Variants in RARS2 observed in about 807,000 individuals in gnomAD.
The protein encoded by RARS2 is arginyl-tRNA synthetase 2, mitochondrial.
RARS2 carries 67 observed loss-of-function variants against 88.5 expected under a neutral mutation model. That is an observed-to-expected ratio of 0.76 (90% confidence interval 0.62 to 0.93). RARS2 has a LOEUF of 0.93. Ranked by LOEUF, RARS2 falls within the 40% of genes least tolerant of loss-of-function variation. The pLI is 0.00. For synonymous variants in RARS2, 239 were observed against 230.3 expected, an observed-to-expected ratio of 1.04 and a Z score of -0.34; for missense variants, 664 against 684.2, an observed-to-expected ratio of 0.97 and a Z score of 0.33.
chr6:87,519,152 A>T, intron 14 of RARS2: 1 of 315,024 alleles, frequency 3.2e-6, no homozygotes, highest in East Asian at 8.3e-5. Flanking sequence ...TTATATATAT[A>T]TATGTATGTG....
At chr6:87,523,837 T>C (rs1205578448) in intron 11 of RARS2, among the ~76,000 whole-genome samples, 1 of 152,304 alleles carries the variant, frequency 6.6e-6, no homozygotes, top group East Asian at 1.9e-4. Flanking sequence ...TTTTCTAATA[T>C]ATATATTTGC....
intron 7 of RARS2, among the ~76,000 whole-genome samples, chr6:87,543,210 G>A (rs1781567045): frequency 6.6e-6 from 1 of 152,156 alleles, no homozygotes; most frequent in Non-Finnish European, 1.5e-5. Flanking sequence ...AAGTGAGACA[G>A]GAGAATCGCT....
At chr6:87,521,590 T>C in intron 11 of RARS2, 66 bp from the exon 12 acceptor site, 2 of 1,246,566 alleles carry the variant, frequency 1.6e-6, no homozygotes, top group South Asian at 1.2e-5. Flanking sequence ...GTCTTACCTA[T>C]TTAATAGCAA....
At chr6:87,533,491 C>A (rs1778212515) in intron 8 of RARS2, among the ~76,000 whole-genome samples, 1 of 152,062 alleles carries the variant, frequency 6.6e-6, no homozygotes, top group South Asian at 2.1e-4. Flanking sequence ...CCTTTTAAGG[C>A]TAAATTTAGA....
rs764115422 is a variant in RARS2 at position 87,516,829 on chromosome 6, G to A, written c.1563C>T (p.Ile521=). The A allele has an allele frequency of 3.1e-6, 5 of 1,613,762 alleles. No homozygotes were observed. Among genetic ancestry groups the A allele is most frequent in the Non-Finnish European group, 4.2e-6 (5 of 1,179,818 alleles). The part of the protein sequence containing the change: ...KSSQDFQPRH[I]VSYLLTLSHL... ...ACCTTAAAGTTAGAAGGTAACTGAC[G>A]ATATGCCTGGGTTGAAAGTCCTGAG... Residue 521 remains isoleucine (I), a synonymous_variant, in exon 18 of 20, where the codon ATC becomes ATT. Transcript: ENST00000369536.
chr6:87,561,420 C>G (rs1016363984), intron 4 of RARS2, among the ~76,000 whole-genome samples: 3 of 152,196 alleles, frequency 2.0e-5, no homozygotes, highest in African/African-American at 7.2e-5. Context: ...ACTCCCTCTT[C>G]TTTCCCTTTA....
chr6:87,585,456 C>T (rs1392503688), intron 1 of RARS2, among the ~76,000 whole-genome samples: 2 of 152,154 alleles, frequency 1.3e-5, no homozygotes, highest in Non-Finnish European at 2.9e-5. Context: ...CTTTGCCTGG[C>T]GCGGTGGCTC....
intron 1 of RARS2, among the ~76,000 whole-genome samples, chr6:87,578,958 CAAAAA>C (rs72383675): frequency 0.015 from 635 of 41,812 alleles, 6 homozygotes; most frequent in African/African-American, 0.046. Context: ...GAGACTGTCT[CAAAAA>C]AAAAAAAAAA....
At chr6:87,541,029 A>G (rs1780775079) in intron 8 of RARS2, among the ~76,000 whole-genome samples, 1 of 152,236 alleles carries the variant, frequency 6.6e-6, no homozygotes, top group South Asian at 2.1e-4. Context: ...TAACTGACAG[A>G]AAATTGAGAA....
intron 8 of RARS2, among the ~76,000 whole-genome samples, chr6:87,537,683 T>C (rs1300499407): frequency 6.6e-6 from 1 of 152,124 alleles, no homozygotes; most frequent in African/African-American, 2.4e-5. Context: ...TAACTACAAC[T>C]TGATATGGAA....
chr6:87,529,376 T>C (rs1173810838), intron 10 of RARS2, among the ~76,000 whole-genome samples, 166 bp downstream of exon 10: 1 of 152,168 alleles, frequency 6.6e-6, no homozygotes, highest in African/African-American at 2.4e-5. Flanking sequence ...GCTTTTGCTA[T>C]GGAAGCAAAA....
intron 1 of RARS2, among the ~76,000 whole-genome samples, chr6:87,581,502 A>G (rs967104746): frequency 3.3e-5 from 5 of 152,240 alleles, no homozygotes; most frequent in African/African-American, 1.2e-4. Context: ...AGACACAAAC[A>G]AGAAGCAAAC....
intron 5 of RARS2, among the ~76,000 whole-genome samples, chr6:87,552,841 A>G (rs1441817232): frequency 1.3e-5 from 2 of 152,178 alleles, no homozygotes; most frequent in Admixed American, 1.3e-4. Flanking sequence ...TTCAAGGATG[A>G]ATGTACGGTA....
intron 10 of RARS2, among the ~76,000 whole-genome samples, chr6:87,528,566 A>C (rs751863252): frequency 7.9e-5 from 12 of 152,256 alleles, no homozygotes; most frequent in Non-Finnish European, 1.3e-4. Context: ...CCTTAAAATA[A>C]AAGGAAATCC....
chr6:87,588,049 C>T (rs1258404524), intron 1 of RARS2, among the ~76,000 whole-genome samples: 1 of 152,036 alleles, frequency 6.6e-6, no homozygotes, highest in Non-Finnish European at 1.5e-5. Flanking sequence ...TCTGGGATTA[C>T]AAGTGTGAGC....
At chr6:87,558,630 T>C (rs1786779149) in intron 4 of RARS2, among the ~76,000 whole-genome samples, 1 of 152,222 alleles carries the variant, frequency 6.6e-6, no homozygotes, top group Admixed American at 6.5e-5. Context: ...CTCAGCAATG[T>C]TGCAGCAGGT....
chr6:87,529,395 G>A (rs144341220), intron 10 of RARS2, 147 bp downstream of exon 10: 162 of 649,622 alleles, frequency 2.5e-4, no homozygotes, highest in Non-Finnish European at 4.1e-4. Context: ...AATACAGAAT[G>A]TGGGAAAGTA....
At chr6:87,551,899 G>A (rs1218838358) in intron 5 of RARS2, among the ~76,000 whole-genome samples, 9 of 152,138 alleles carry the variant, frequency 5.9e-5, no homozygotes, top group African/African-American at 9.7e-5. Flanking sequence ...GAGCTGATTT[G>A]TACAAAATAG....
intron 6 of RARS2, among the ~76,000 whole-genome samples, chr6:87,547,019 G>A (rs188226755): frequency 5.3e-5 from 8 of 152,276 alleles, no homozygotes; most frequent in Admixed American, 5.2e-4. Context: ...AATACTTTGG[G>A]ATGTTGGGAA....
Sources: gnomAD v4.1 joint callset for allele counts (sites outside exome capture counted in the v4.1 genomes callset) on GRCh38, gnomAD v4.1.1 for gene constraint, MANE v1.5 for transcripts, NCBI Gene and HGNC (gene_info 2026-07-23, HGNC 2026-07-21) for gene names.